CSTPP1: variants seen among roughly 807,000 people sequenced by gnomAD.
CSTPP1 encodes the protein UPF0705 protein C11orf49.
the CSTPP1 span, among the ~76,000 whole-genome samples, chr11:47,153,949 GT>G: frequency 3.4e-5 from 5 of 148,372 alleles, no homozygotes; most frequent in African/African-American, 4.9e-5. Context: ...AACTTTTTTT[GT>G]TTTTTTTTTG....
chr11:47,134,411 G>A, the CSTPP1 span, among the ~76,000 whole-genome samples: 4 of 152,052 alleles, frequency 2.6e-5, no homozygotes, highest in African/African-American at 7.2e-5. Flanking sequence ...GGCTGGTCTC[G>A]AACTCCTGAC....
the CSTPP1 span, among the ~76,000 whole-genome samples, chr11:46,944,278 A>G: frequency 6.7e-6 from 1 of 149,122 alleles, no homozygotes. Context: ...AAATCTCACC[A>G]CTGCACTCCA....
At chr11:47,015,122 A>G in the CSTPP1 span, among the ~76,000 whole-genome samples, 3 of 152,190 alleles carry the variant, frequency 2.0e-5, no homozygotes, top group Non-Finnish European at 4.4e-5. Context: ...CAAACGGACA[A>G]AGACACAAAG....
At chr11:47,149,506 G>A in the CSTPP1 span, among the ~76,000 whole-genome samples, 5 of 152,164 alleles carry the variant, frequency 3.3e-5, no homozygotes, top group Non-Finnish European at 5.9e-5. Context: ...CTGTCTGTGG[G>A]GATAGAAGGG....
chr11:46,993,080 G>T, the CSTPP1 span, among the ~76,000 whole-genome samples: 1 of 152,128 alleles, frequency 6.6e-6, no homozygotes, highest in African/African-American at 2.4e-5. Context: ...TTTTTGATGG[G>T]GTTGTTTGAT....
the CSTPP1 span, among the ~76,000 whole-genome samples, chr11:47,046,733 C>G: frequency 1.7e-5 from 2 of 117,332 alleles, no homozygotes; most frequent in African/African-American, 6.7e-5. Context: ...GTGGCGTGAT[C>G]TCGGCTCACT....
the CSTPP1 span, among the ~76,000 whole-genome samples, chr11:47,132,330 T>G: frequency 6.6e-6 from 1 of 152,240 alleles, no homozygotes; most frequent in East Asian, 1.9e-4. Flanking sequence ...AGGTGTTTAC[T>G]GCAATGCACC....
the CSTPP1 span, among the ~76,000 whole-genome samples, chr11:47,156,733 GA>G: frequency 7.7e-3 from 1,133 of 147,816 alleles, 8 homozygotes; most frequent in Non-Finnish European, 0.011. Context: ...CTAAGTGCCA[GA>G]AAAAAAAAAG....
the CSTPP1 span, among the ~76,000 whole-genome samples, chr11:47,016,397 C>CAAAAAAAAAAAAA: frequency 1.3e-5 from 1 of 74,694 alleles, no homozygotes; most frequent in African/African-American, 6.1e-5. Context: ...CTACAAAAAA[C>CAAAAAAAAAAAAA]AAAAAACAAA....
At chr11:47,065,574 A>G in the CSTPP1 span, among the ~76,000 whole-genome samples, 2 of 152,050 alleles carry the variant, frequency 1.3e-5, no homozygotes, top group Non-Finnish European at 1.5e-5. Context: ...TACCACGCCC[A>G]GCCTCTTTCA....
At chr11:47,003,026 C>T in the CSTPP1 span, among the ~76,000 whole-genome samples, 1 of 152,234 alleles carries the variant, frequency 6.6e-6, no homozygotes, top group Non-Finnish European at 1.5e-5. Flanking sequence ...AGTTAAGAAA[C>T]TAGGCCAGAT....
chr11:47,066,076 A>T, the CSTPP1 span, among the ~76,000 whole-genome samples: 8 of 126,912 alleles, frequency 6.3e-5, no homozygotes, highest in African/African-American at 1.4e-4. Flanking sequence ...TTTCTTTCTA[A>T]TTTGGATGCC....
the CSTPP1 span, among the ~76,000 whole-genome samples, chr11:47,112,941 T>A: frequency 6.6e-6 from 1 of 152,182 alleles, no homozygotes; most frequent in South Asian, 2.1e-4. Context: ...GCTGCACCCG[T>A]CAACTCATCA....
chr11:47,138,656 C>G, the CSTPP1 span, among the ~76,000 whole-genome samples: 1 of 152,252 alleles, frequency 6.6e-6, no homozygotes, highest in African/African-American at 2.4e-5. Context: ...TGGACTATGC[C>G]TCAGTTAACT....
chr11:47,039,493 G>T, the CSTPP1 span, among the ~76,000 whole-genome samples: 1 of 126,880 alleles, frequency 7.9e-6, no homozygotes, highest in African/African-American at 2.5e-5. Flanking sequence ...GAGAGGGAGA[G>T]GGAGAGGGAG....
the CSTPP1 span, among the ~76,000 whole-genome samples, chr11:46,958,603 C>G: frequency 7.0e-4 from 106 of 152,232 alleles, no homozygotes; most frequent in African/African-American, 2.4e-3. Flanking sequence ...AGCCACTATA[C>G]CCAGGCCCCA....
the CSTPP1 span, among the ~76,000 whole-genome samples, chr11:47,127,602 G>C: frequency 6.6e-6 from 1 of 151,924 alleles, no homozygotes; most frequent in African/African-American, 2.4e-5. Context: ...CTTAAATGAA[G>C]GAAAGTAATA....
chr11:46,940,993 C>T, the CSTPP1 span, among the ~76,000 whole-genome samples: 1 of 152,074 alleles, frequency 6.6e-6, no homozygotes, highest in Non-Finnish European at 1.5e-5. Context: ...TCAGGAAGGC[C>T]AATTCAGTGG....
chr11:47,030,109 A>G, the CSTPP1 span, among the ~76,000 whole-genome samples: 1 of 152,176 alleles, frequency 6.6e-6, no homozygotes, highest in East Asian at 1.9e-4. Context: ...CCTTGGTAAC[A>G]GAATAAGACC....
Sources: gnomAD v4.1 joint callset for allele counts (sites outside exome capture counted in the v4.1 genomes callset) on GRCh38, gnomAD v4.1.1 for gene constraint, MANE v1.5 for transcripts, NCBI Gene and HGNC (gene_info 2026-07-23, HGNC 2026-07-21) for gene names.